Variants in SGCZ observed in about 807,000 individuals in gnomAD.
SGCZ encodes zeta-sarcoglycan.
A neutral mutation model predicts 41.3 loss-of-function variants in SGCZ; 40 were observed. The observed-to-expected ratio is 0.97, with a 90% CI of 0.75 to 1.26. The LOEUF (loss-of-function observed/expected upper bound fraction) is 1.26, where lower values mean the gene tolerates loss of function less well. Ranked by LOEUF, SGCZ falls within the 50% of genes most tolerant of loss-of-function variation. The probability of loss-of-function intolerance (pLI) is 0.00; values close to 1 mark genes in which losing one functional copy is unlikely to be tolerated. For synonymous variants in SGCZ, 206 were observed against 137.5 expected, an observed-to-expected ratio of 1.50 and a Z score of -3.49; for missense variants, 552 against 369.8, an observed-to-expected ratio of 1.49 and a Z score of -4.04.
intron 2 of SGCZ, among the ~76,000 whole-genome samples, chr8:14,502,899 G>C (rs1308326700): frequency 6.6e-6 from 1 of 152,132 alleles, no homozygotes; most frequent in Non-Finnish European, 1.5e-5. Flanking sequence ...ATTCCTCAAG[G>C]ATCTAGAACC....
At chr8:14,665,876 G>A (rs562259165) in intron 1 of SGCZ, among the ~76,000 whole-genome samples, 10 of 152,214 alleles carry the variant, frequency 6.6e-5, no homozygotes, top group Non-Finnish European at 1.3e-4. Flanking sequence ...AGTGTCGATC[G>A]TCTGAATTGC....
chr8:14,262,690 C>T (rs1227001757), intron 3 of SGCZ, among the ~76,000 whole-genome samples: 3 of 151,276 alleles, frequency 2.0e-5, no homozygotes, highest in Non-Finnish European at 4.4e-5. Flanking sequence ...ACTTCAAGAA[C>T]CTTGAATAAA....
At chr8:14,459,910 C>T (rs1800853939) in intron 2 of SGCZ, among the ~76,000 whole-genome samples, 1 of 151,866 alleles carries the variant, frequency 6.6e-6, no homozygotes, top group Admixed American at 6.6e-5. Flanking sequence ...TGAGTCAAGC[C>T]ATAAAAAGAC....
intron 2 of SGCZ, among the ~76,000 whole-genome samples, chr8:14,427,170 C>A (rs556179922): frequency 7.2e-5 from 11 of 152,172 alleles, no homozygotes; most frequent in African/African-American, 2.6e-4. Flanking sequence ...ACACTAAATT[C>A]TCTTTGCCAA....
intron 2 of SGCZ, among the ~76,000 whole-genome samples, chr8:14,356,552 A>C (rs78456861): frequency 4.8e-4 from 73 of 152,290 alleles, no homozygotes; most frequent in African/African-American, 1.7e-3. Context: ...TGTGTGATAT[A>C]AAAAGTGTAG....
chr8:14,571,279 C>G (rs966198951), intron 1 of SGCZ, among the ~76,000 whole-genome samples: 3 of 152,168 alleles, frequency 2.0e-5, no homozygotes, highest in African/African-American at 7.2e-5. Context: ...CCAGGTCACT[C>G]CCTCGGCACA....
intron 1 of SGCZ, among the ~76,000 whole-genome samples, chr8:15,077,493 C>T (rs1296839871): frequency 6.6e-6 from 1 of 152,126 alleles, no homozygotes; most frequent in African/African-American, 2.4e-5. Flanking sequence ...AGTGTGTGTT[C>T]CACCATATGG....
intron 4 of SGCZ, among the ~76,000 whole-genome samples, chr8:14,218,536 T>C (rs1806079738): frequency 6.6e-6 from 1 of 152,232 alleles, no homozygotes; most frequent in African/African-American, 2.4e-5. Flanking sequence ...CAAAAGTAAT[T>C]GCAGTTTTGC....
intron 1 of SGCZ, among the ~76,000 whole-genome samples, chr8:15,187,563 C>T (rs898262951): frequency 6.6e-6 from 1 of 151,926 alleles, no homozygotes; most frequent in Non-Finnish European, 1.5e-5. Context: ...GTATTTATGA[C>T]AGTGCTTCAT....
intron 7 of SGCZ, among the ~76,000 whole-genome samples, chr8:14,098,220 G>C (rs1328123572): frequency 1.3e-5 from 2 of 152,192 alleles, no homozygotes; most frequent in African/African-American, 4.8e-5. Flanking sequence ...ATTGATGTCA[G>C]ATGTTGAAAT....
intron 2 of SGCZ, among the ~76,000 whole-genome samples, chr8:14,436,196 C>G (rs958052771): frequency 4.6e-5 from 7 of 152,144 alleles, no homozygotes; most frequent in Non-Finnish European, 1.0e-4. Context: ...TTGGCCAAAT[C>G]CACTGGAAGC....
chr8:14,148,480 CAAGAA>C (rs758149331), intron 5 of SGCZ, among the ~76,000 whole-genome samples: 13 of 151,772 alleles, frequency 8.6e-5, no homozygotes, highest in Non-Finnish European at 1.6e-4. Context: ...GAGACTGAGC[CAAGAA>C]GAGATCCAAA....
intron 1 of SGCZ, among the ~76,000 whole-genome samples, chr8:15,154,540 A>C (rs570901016): frequency 6.6e-6 from 1 of 152,240 alleles, no homozygotes; most frequent in African/African-American, 2.4e-5. Flanking sequence ...TGTTGAGCAA[A>C]TAATAGTCTA....
chr8:14,317,307 C>T (rs916586767), intron 3 of SGCZ, among the ~76,000 whole-genome samples: 3 of 152,022 alleles, frequency 2.0e-5, no homozygotes, highest in African/African-American at 4.8e-5. Flanking sequence ...CTACTATGAA[C>T]TTCATCTTGC....
chr8:14,391,049 A>T (rs1804752104), intron 2 of SGCZ, among the ~76,000 whole-genome samples: 1 of 152,098 alleles, frequency 6.6e-6, no homozygotes, highest in African/African-American at 2.4e-5. Flanking sequence ...ACATAACATT[A>T]AGTGACTCCT....
intron 5 of SGCZ, among the ~76,000 whole-genome samples, chr8:14,137,408 T>A (rs1803233034): frequency 6.6e-6 from 1 of 152,000 alleles, no homozygotes; most frequent in African/African-American, 2.4e-5. Context: ...TTCAAACCCA[T>A]CACAAAGAAG....
intron 1 of SGCZ, among the ~76,000 whole-genome samples, chr8:14,668,147 C>T (rs778369425): frequency 1.1e-4 from 16 of 152,090 alleles, no homozygotes; most frequent in South Asian, 2.1e-4. Flanking sequence ...TTAGTAGAGA[C>T]GGGGGATTCA....
chr8:14,551,632 TTA>T (rs1234285429), intron 2 of SGCZ, among the ~76,000 whole-genome samples: 9 of 81,436 alleles, frequency 1.1e-4, no homozygotes, highest in Non-Finnish European at 2.0e-4. Context: ...AATATATATA[TTA>T]TATATATATA....
chr8:14,378,428 T>A (rs140259502), intron 2 of SGCZ, among the ~76,000 whole-genome samples: 6,801 of 152,134 alleles, frequency 0.045, 491 homozygotes, highest in African/African-American at 0.15. Flanking sequence ...AATTGACAAA[T>A]GGGATCTAAT....
Sources: gnomAD v4.1 joint callset for allele counts (sites outside exome capture counted in the v4.1 genomes callset) on GRCh38, gnomAD v4.1.1 for gene constraint, MANE v1.5 for transcripts, NCBI Gene and HGNC (gene_info 2026-07-23, HGNC 2026-07-21) for gene names.